The following RAD51B variants were observed in gnomAD, a reference collection of about 807,000 sequenced individuals.
RAD51B encodes the protein RAD51 paralog B.
Under a neutral mutation model 42.2 loss-of-function variants are expected in RAD51B, and 38 were observed. The ratio of observed to expected loss-of-function variants is 0.90; its 90% CI spans 0.70 to 1.18. The LOEUF (loss-of-function observed/expected upper bound fraction) is 1.18, where lower values mean the gene tolerates loss of function less well. RAD51B is among the 50% of genes most tolerant of loss of function. RAD51B has a pLI of 0.00. For synonymous variants in RAD51B, 154 were observed against 145.2 expected (o/e 1.06, Z -0.43); for missense variants, 373 against 400.7 (o/e 0.93, Z 0.59).
chr14:67,951,659 G>C (rs2074451100), intron 7 of RAD51B, among the ~76,000 whole-genome samples: 1 of 152,150 alleles, frequency 6.6e-6, no homozygotes. Context: ...AGGTTTATCT[G>C]AATTTAGAAT....
At chr14:68,575,238 A>G (rs1889909335) in intron 10 of RAD51B, among the ~76,000 whole-genome samples, 3 of 152,230 alleles carry the variant, frequency 2.0e-5, no homozygotes, top group South Asian at 2.1e-4. Context: ...TTTATTCCCA[A>G]CTGGAAAGTG....
chr14:67,865,200 C>T (rs1566931113), intron 5 of RAD51B, 61 bp downstream of exon 5: 1 of 1,362,942 alleles, frequency 7.3e-7, no homozygotes, highest in South Asian at 1.6e-5. Flanking sequence ...CAGCATGAAA[C>T]ATTTACACAT....
At chr14:67,938,385 C>A (rs571571527) in intron 7 of RAD51B, among the ~76,000 whole-genome samples, 169 of 152,316 alleles carry the variant, frequency 1.1e-3, no homozygotes, top group African/African-American at 3.9e-3. Context: ...ACAAATAATA[C>A]TTTTGACGGA....
At chr14:68,335,926 G>A (rs191387424) in intron 8 of RAD51B, among the ~76,000 whole-genome samples, 19 of 152,340 alleles carry the variant, frequency 1.2e-4, no homozygotes, top group Admixed American at 7.2e-4. Flanking sequence ...CTACATTCAA[G>A]AAGCAGTATA....
intron 7 of RAD51B, among the ~76,000 whole-genome samples, chr14:68,047,843 CTTCT>C (rs929897443): frequency 4.6e-5 from 7 of 152,076 alleles, no homozygotes; most frequent in African/African-American, 1.4e-4. Context: ...TTCATGGATG[CTTCT>C]TTCTTTCTTT....
At chr14:67,824,651 T>C (rs1047890482) in intron 2 of RAD51B, among the ~76,000 whole-genome samples, 3 of 152,192 alleles carry the variant, frequency 2.0e-5, no homozygotes, top group African/African-American at 7.2e-5. Flanking sequence ...GTTCCTTTGT[T>C]ATACATTTAA....
chr14:68,437,073 G>A (rs1449098821), intron 9 of RAD51B, among the ~76,000 whole-genome samples: 1 of 152,168 alleles, frequency 6.6e-6, no homozygotes. Flanking sequence ...AGTGGTGAGA[G>A]TGGGCATCTT....
intron 1 of RAD51B, chr14:67,822,072 G>A (rs138727102): frequency 6.6e-6 from 1 of 152,118 alleles, no homozygotes; most frequent in African/African-American, 2.4e-5. Context: ...TTGGGCCATG[G>A]TATTGGAAAT....
chr14:67,971,527 G>T (rs1026200670), intron 7 of RAD51B, among the ~76,000 whole-genome samples: 1 of 151,970 alleles, frequency 6.6e-6, no homozygotes, highest in Non-Finnish European at 1.5e-5. Context: ...TTTGTACTTA[G>T]AAGTAAATTA....
intron 7 of RAD51B, among the ~76,000 whole-genome samples, chr14:67,969,463 T>C: frequency 6.6e-6 from 1 of 152,166 alleles, no homozygotes; most frequent in East Asian, 1.9e-4. Flanking sequence ...ACATCTGGTT[T>C]TCCCTGTTCC....
chr14:67,906,955 A>C (rs2043799443), intron 7 of RAD51B, among the ~76,000 whole-genome samples: 1 of 151,944 alleles, frequency 6.6e-6, no homozygotes, highest in Admixed American at 6.6e-5. Context: ...GATTACAGGC[A>C]TGTGCTACCA....
At chr14:68,625,455 G>A (rs1892056393) in intron 10 of RAD51B, among the ~76,000 whole-genome samples, 1 of 152,000 alleles carries the variant, frequency 6.6e-6, no homozygotes, top group African/African-American at 2.4e-5. Flanking sequence ...GTAGACACTG[G>A]GCTCGCCAGG....
intron 7 of RAD51B, among the ~76,000 whole-genome samples, chr14:67,973,701 G>T (rs1208611987): frequency 6.6e-6 from 1 of 152,122 alleles, no homozygotes; most frequent in East Asian, 1.9e-4. Context: ...CATTTTCAAT[G>T]TAAGAATTTG....
intron 7 of RAD51B, among the ~76,000 whole-genome samples, chr14:67,992,548 T>C (rs990087476): frequency 6.6e-6 from 1 of 152,208 alleles, no homozygotes; most frequent in Non-Finnish European, 1.5e-5. Flanking sequence ...GGTGGTGTGT[T>C]TCCTACTTGT....
chr14:68,504,025 A>G (rs1297268553), intron 10 of RAD51B, among the ~76,000 whole-genome samples: 1 of 152,240 alleles, frequency 6.6e-6, no homozygotes, highest in Non-Finnish European at 1.5e-5. Context: ...AAGTGCTCAC[A>G]GGCTTTAATT....
At chr14:68,579,338 C>G (rs1890109096) in intron 10 of RAD51B, among the ~76,000 whole-genome samples, 1 of 152,142 alleles carries the variant, frequency 6.6e-6, no homozygotes, top group South Asian at 2.1e-4. Flanking sequence ...ATTGAGGGAG[C>G]TCAGAGATTT....
At chr14:67,902,464 A>G (rs570919907) in intron 7 of RAD51B, among the ~76,000 whole-genome samples, 10 of 152,314 alleles carry the variant, frequency 6.6e-5, no homozygotes, top group African/African-American at 2.4e-4. Flanking sequence ...AAGCTCAGAT[A>G]ATGCACTTAA....
intron 10 of RAD51B, among the ~76,000 whole-genome samples, chr14:68,469,895 T>C (rs992369376): frequency 6.6e-6 from 1 of 152,258 alleles, no homozygotes; most frequent in African/African-American, 2.4e-5. Context: ...ATAGCATTTC[T>C]AAGCCCGGTC....
chr14:68,446,015 C>G (rs559958598), intron 9 of RAD51B, among the ~76,000 whole-genome samples: 1 of 152,352 alleles, frequency 6.6e-6, no homozygotes, highest in South Asian at 2.1e-4. Flanking sequence ...TAAATTATAG[C>G]TATGCAACTT....
Sources: allele counts gnomAD v4.1 joint callset (sites outside exome capture counted in the v4.1 genomes callset), GRCh38; gene constraint gnomAD v4.1.1; transcripts MANE v1.5; gene names NCBI Gene and HGNC (gene_info 2026-07-23, HGNC 2026-07-21).